SBNO2: variants seen among roughly 807,000 people sequenced by gnomAD.
The protein encoded by SBNO2 is strawberry notch homolog 2.
In SBNO2, 89 loss-of-function variants were observed where a neutral mutation model predicts 146.3. That is an observed-to-expected ratio of 0.61 (90% CI 0.51 to 0.73). SBNO2 has a LOEUF of 0.73. Among genes scored for constraint, SBNO2 ranks in the 30% least tolerant of loss-of-function variants. The probability of loss-of-function intolerance (pLI) is 0.00; values close to 1 mark genes in which losing one functional copy is unlikely to be tolerated. For missense variants in SBNO2, 2,092 were observed against 2,003.7 expected (o/e 1.04, Z -0.84); for synonymous variants, 1,147 against 892.6 (o/e 1.29, Z -5.08).
chr19:1,118,906 G>A, intron 14 of SBNO2, 105 bp downstream of exon 14: 2 of 1,213,454 alleles, frequency 1.6e-6, no homozygotes, highest in South Asian at 1.4e-5. Context: ...GGACAGGACA[G>A]GGCGGGCCGT....
At chr19:1,118,635 G>A (rs887774323) in intron 14 of SBNO2, among the ~76,000 whole-genome samples, 2 of 152,222 alleles carry the variant, frequency 1.3e-5, no homozygotes, top group Non-Finnish European at 2.9e-5. Context: ...GTGGGAGGCC[G>A]AGGCGGGCAG....
At chr19:1,171,692 G>A (rs987306985) in intron 1 of SBNO2, among the ~76,000 whole-genome samples, 2 of 152,158 alleles carry the variant, frequency 1.3e-5, no homozygotes, top group Non-Finnish European at 2.9e-5. Flanking sequence ...CGCTGGAGCC[G>A]GGTTGGGCCA....
intron 1 of SBNO2, among the ~76,000 whole-genome samples, chr19:1,156,093 C>T (rs2080287518): frequency 6.6e-6 from 1 of 152,116 alleles, no homozygotes; most frequent in Admixed American, 6.5e-5. Flanking sequence ...CATGACCGTC[C>T]TCGGGGTACA....
rs1568619302 is a variant in SBNO2, at chr19:1,149,405, G to A, written c.131C>T (p.Ser44Leu). 5.8e-6 allele frequency: 9 copies of A among 1,552,252 alleles called. No individual in the cohort carries two copies. The highest frequency in any genetic ancestry group is 1.2e-5 in the South Asian group (1 of 84,154). The change falls in exon 3 of 32, where the codon TCG becomes TTG. Residue 44 changes from serine to leucine, a missense_variant. Transcript: ENST00000361757. ...GGAGAAGGCAGGGTATGGCGGCAGC[G>A]AGAAGGTGTTCCAGTAGGGGCAGTG... ...MLHCPYWNTFSLPPYPAFSSD... is the reference protein window; with the variant it reads ...MLHCPYWNTFLLPPYPAFSSD...
At position 1,157,092 on chromosome 19, in the gene SBNO2, C is replaced by G. The variant is rs1005637595; in HGVS notation, c.-126-2690G>C. ...CAGGCCCTCCCGCAGCCCCCAGCCC[C>G]TAGCCCTGCCTGCAGACTCGGTCCT... On this transcript the variant is annotated intron_variant, in intron 1 of 31. Coordinates refer to ENST00000361757, the MANE Select transcript of SBNO2 (RefSeq NM_014963.3). The surrounding 1 kb of genome is among the most constrained non-coding windows in gnomAD (Gnocchi z 6.8). Among the ~76,000 whole-genome samples, 1 of 152,076 alleles carries G rather than the reference C, an allele frequency of 6.6e-6. No individual in the cohort carries two copies.
chr19:1,115,923 G>A, intron 17 of SBNO2, 98 bp downstream of exon 17: 2 of 983,688 alleles, frequency 2.0e-6, no homozygotes, highest in South Asian at 1.4e-5. Context: ...TTGGCTGAGT[G>A]GACGGGGGAG....
chr19:1,172,116 C>A (rs1009224421), intron 1 of SBNO2, among the ~76,000 whole-genome samples: 1 of 152,152 alleles, frequency 6.6e-6, no homozygotes, highest in Non-Finnish European at 1.5e-5. Flanking sequence ...AGATGTCTGC[C>A]GGGATCCTCA....
At position 1,111,077 on chromosome 19, in the gene SBNO2, C is replaced by A. The variant is rs746154940; in HGVS notation, c.2826G>T (p.Leu942=). The A allele has an allele frequency of 3.9e-6, 6 of 1,556,526 alleles. No homozygotes were observed. The South Asian group carries it at 7.1e-5, about 18-fold the overall frequency. Residue 942 remains leucine (L), a synonymous_variant, in exon 25 of 32, where the codon CTG becomes CTT. Transcript: ENST00000361757. ...CCCGGCCACCAATGCCCACAGACAG[C>A]AGGCCCTGCTTCATGTCTGCGGGGA... ...PTFFRDMKQG[L]LSVGIGGRES... is the part of the protein sequence containing the mutation.
At chr19:1,124,330 G>T (rs1268259052) in intron 5 of SBNO2, among the ~76,000 whole-genome samples, 2 of 152,204 alleles carry the variant, frequency 1.3e-5, no homozygotes, top group African/African-American at 2.4e-5. Context: ...GGCTAGTTCT[G>T]ACAGACAACA....
Position 1,144,464 on chromosome 19 carries a change from T to C in SBNO2, c.279+2845A>G, listed in dbSNP as rs1000622424. 2.0e-5 allele frequency among the ~76,000 whole-genome samples: 3 copies of C among 152,078 alleles called. No homozygotes were observed. Among genetic ancestry groups the C allele is most frequent in the Non-Finnish European group, 4.4e-5 (3 of 68,016 alleles). ...CACAGTGGCCCCGAGGGCTCCGGGC[T>C]GAACAGATGCAGCAGCAATTGTTCA... On this transcript the variant is annotated intron_variant, in intron 4 of 31. Transcript: ENST00000361757. This position sits in a 1 kb window ranked among gnomAD's most constrained non-coding sequence, Gnocchi z 4.1.
In SBNO2 at chr19:1,144,498, G is replaced by A. The variant is rs141385279; in HGVS notation, c.279+2811C>T. On this transcript the variant is annotated intron_variant, in intron 4 of 31. Transcript: ENST00000361757. This position sits in a 1 kb window ranked among gnomAD's most constrained non-coding sequence, Gnocchi z 4.1. Reference sequence around the variant, plus strand: ...GCAGCAGCAATTGTTCAGGAGGGGAGGAGCAGGAGAATTCATGAGACAGAG... The same window carrying A: ...GCAGCAGCAATTGTTCAGGAGGGGAAGAGCAGGAGAATTCATGAGACAGAG... 3.2e-4 allele frequency among the ~76,000 whole-genome samples: 49 copies of A among 152,296 alleles called. No individual in the cohort carries two copies. The highest frequency in any genetic ancestry group is 5.8e-4 in the African/African-American group (24 of 41,550).
At chr19:1,143,630 C>T (rs1007600457) in intron 4 of SBNO2, among the ~76,000 whole-genome samples, 5 of 152,196 alleles carry the variant, frequency 3.3e-5, no homozygotes, top group African/African-American at 9.7e-5. Context: ...CAGAGGCACC[C>T]GCATCCCTTG....
chr19:1,159,718 G>C (rs1193182513), intron 1 of SBNO2, among the ~76,000 whole-genome samples: 12 of 97,140 alleles, frequency 1.2e-4, no homozygotes, highest in Non-Finnish European at 2.1e-4. Context: ...ACAGCGGGGG[G>C]ACAGCAAGGG....
At chr19:1,145,506 G>A (rs1026034951) in intron 4 of SBNO2, among the ~76,000 whole-genome samples, 6 of 151,352 alleles carry the variant, frequency 4.0e-5, no homozygotes, top group African/African-American at 1.2e-4. Context: ...AGAAAGGAAA[G>A]AGAGAAGGAA....
chr19:1,128,813 C>A (rs549794419), intron 4 of SBNO2, among the ~76,000 whole-genome samples: 2 of 151,812 alleles, frequency 1.3e-5, no homozygotes, highest in African/African-American at 4.8e-5. Flanking sequence ...ACTAAAAATA[C>A]AAAAATTAGC....
chr19:1,111,902 GC>G, intron 23 of SBNO2, 93 bp downstream of exon 23: 1 of 1,184,688 alleles, frequency 8.4e-7, no homozygotes, highest in Non-Finnish European at 1.2e-6. Context: ...ACGTTCTCCA[GC>G]CCCCATCTAC....
At chr19:1,169,847 TC>T (rs2080460795) in intron 1 of SBNO2, among the ~76,000 whole-genome samples, 1 of 152,138 alleles carries the variant, frequency 6.6e-6, no homozygotes, top group East Asian at 1.9e-4. Context: ...TTCAACGTAT[TC>T]TAAGGCAGAC....
chr19:1,162,122 G>A (rs934135634), intron 1 of SBNO2, among the ~76,000 whole-genome samples: 10 of 150,372 alleles, frequency 6.7e-5, no homozygotes, highest in African/African-American at 2.5e-5. Context: ...CACCCTAGAC[G>A]GGAGCAGGGA....
intron 4 of SBNO2, among the ~76,000 whole-genome samples, chr19:1,139,102 G>A (rs772987591): frequency 3.3e-5 from 5 of 152,198 alleles, no homozygotes; most frequent in South Asian, 2.1e-4. Context: ...TCCTGCATGC[G>A]TCCATCATGG....
Sources: gnomAD v4.1 joint callset for allele counts (sites outside exome capture counted in the v4.1 genomes callset) on GRCh38, gnomAD v4.1.1 for gene constraint, Gnocchi (gnomAD v3.1) non-coding constraint, MANE v1.5 for transcripts, NCBI Gene and HGNC (gene_info 2026-07-23, HGNC 2026-07-21) for gene names.